Variants in SASH1 observed in about 807,000 individuals in gnomAD.
SASH1 encodes SAM and SH3 domain-containing protein 1.
In SASH1, 44 loss-of-function variants were observed where a neutral mutation model predicts 125.2. The ratio of observed to expected loss-of-function variants is 0.35; its 90% CI spans 0.28 to 0.45. The LOEUF is 0.45. Among genes scored for constraint, SASH1 ranks in the 20% least tolerant of loss-of-function variants. The pLI is 1.00. For missense variants in SASH1, 1,426 were observed against 1,614.5 expected, an observed-to-expected ratio of 0.88 and a Z score of 2.00; for synonymous variants, 639 against 649.1, an observed-to-expected ratio of 0.98 and a Z score of 0.24.
intron 16 of SASH1, 30 bp downstream of exon 16, chr6:148,534,931 C>T: frequency 6.2e-7 from 1 of 1,612,460 alleles, no homozygotes; most frequent in Non-Finnish European, 8.5e-7. Context: ...GAGGTGTTCC[C>T]TGTGAGGTCT....
intron 5 of SASH1, among the ~76,000 whole-genome samples, chr6:148,469,533 G>C (rs575926545): frequency 3.9e-5 from 6 of 152,070 alleles, no homozygotes; most frequent in Non-Finnish European, 8.8e-5. Flanking sequence ...AGGAGTTCGA[G>C]ACTGACCTGG....
intron 1 of SASH1, among the ~76,000 whole-genome samples, chr6:148,323,946 G>A (rs1051564477): frequency 2.0e-5 from 3 of 151,746 alleles, no homozygotes; most frequent in Non-Finnish European, 2.9e-5. Flanking sequence ...CCAACATGAC[G>A]AAACTCTGTC....
At position 148,544,243 on chromosome 6, in the gene SASH1, C is replaced by A. The variant is rs551667335; in HGVS notation, c.2773C>A (p.Pro925Thr). The A allele has an allele frequency of 4.5e-5, 73 of 1,614,178 alleles. No homozygotes were observed. Among genetic ancestry groups the A allele is most frequent in the East Asian group, 1.6e-4 (7 of 44,866 alleles). The change falls in exon 18 of 20, where the codon CCT (proline) becomes ACT (threonine). Residue 925 changes from proline to threonine, a missense_variant. Around this residue, in one of 3 missense-constraint regions of SASH1, gnomAD observed 634 missense variants for 694.4 expected, o/e 0.91. Coordinates refer to ENST00000367467, the MANE Select transcript of SASH1 (RefSeq NM_015278.5). This position sits in a 1 kb window ranked among gnomAD's most constrained non-coding sequence, Gnocchi z 6.4. Reference sequence around the variant, plus strand: ...AGCCTCTGGTCGCGGCCTGTCACCCCCTCAGTGTTTGCCCAGAAACTATGA... The same window carrying A: ...AGCCTCTGGTCGCGGCCTGTCACCCACTCAGTGTTTGCCCAGAAACTATGA... ...IAASGRGLSP[P>T]QCLPRNYDAQ...
chr6:148,285,659 A>C (rs1399826415), intron 1 of SASH1, among the ~76,000 whole-genome samples: 1 of 152,182 alleles, frequency 6.6e-6, no homozygotes, highest in Non-Finnish European at 1.5e-5. Flanking sequence ...AGGTAATTCC[A>C]GTAGAAGATG....
chr6:148,431,294 G>A (rs977194094), intron 2 of SASH1, among the ~76,000 whole-genome samples: 1 of 152,088 alleles, frequency 6.6e-6, no homozygotes, highest in African/African-American at 2.4e-5. Flanking sequence ...CTCCTCCCGG[G>A]TTCAAGCCAT....
intron 1 of SASH1, among the ~76,000 whole-genome samples, chr6:148,313,516 G>C (rs1780391401): frequency 6.6e-6 from 1 of 152,198 alleles, no homozygotes; most frequent in African/African-American, 2.4e-5. Flanking sequence ...GCAAAGAAGG[G>C]TAGGAGAGGG....
chr6:148,224,591 C>T, the SASH1 span, among the ~76,000 whole-genome samples: 1 of 152,092 alleles, frequency 6.6e-6, no homozygotes, highest in African/African-American at 2.4e-5. Flanking sequence ...AAACTTCTAG[C>T]TTCAAGTGAT....
At chr6:148,363,241 T>C (rs1012990511) in intron 1 of SASH1, among the ~76,000 whole-genome samples, 1 of 152,344 alleles carries the variant, frequency 6.6e-6, no homozygotes, top group Middle Eastern at 3.4e-3. Context: ...AATCACGGTG[T>C]TCTGGAGGAC....
chr6:148,343,581 C>T (rs1015062948), intron 1 of SASH1, among the ~76,000 whole-genome samples: 5 of 152,322 alleles, frequency 3.3e-5, no homozygotes, highest in African/African-American at 1.2e-4. Flanking sequence ...GCTGATGTTA[C>T]TGATGTTTAT....
At chr6:148,288,872 G>A (rs1011779795) in intron 1 of SASH1, among the ~76,000 whole-genome samples, 2 of 152,204 alleles carry the variant, frequency 1.3e-5, no homozygotes, top group African/African-American at 4.8e-5. Flanking sequence ...CTGGTTACCA[G>A]ACAAGACTGG....
Position 148,308,931 on chromosome 6 carries a change from A to G in SASH1, n.74+36554A>G, listed in dbSNP as rs1273515323. On this transcript the variant is annotated intron_variant and non_coding_transcript_variant, in intron 1 of 3. Transcript: ENST00000367469. ...AAACCCCATCTCTACTAAGAATACA[A>G]AAATTAGCCAGGGGTGGTGGCACAC... 3.3e-5 allele frequency among the ~76,000 whole-genome samples: 5 copies of G among 151,288 alleles called. No individual in the cohort carries two copies. In the East Asian group the frequency reaches 1.0e-3, roughly 30 times the overall value.
At chr6:148,487,118 T>C (rs542419377) in intron 7 of SASH1, among the ~76,000 whole-genome samples, 13,928 of 135,044 alleles carry the variant, frequency 0.1, 1,054 homozygotes, top group Non-Finnish European at 0.13. Flanking sequence ...CACACATATA[T>C]ATATATATAT....
chr6:148,266,917 CT>C, the SASH1 span, among the ~76,000 whole-genome samples: 1 of 151,926 alleles, frequency 6.6e-6, no homozygotes, highest in Non-Finnish European at 1.5e-5. Context: ...GGCCTCTTTT[CT>C]TTTCTTTTAA....
rs534390155 is a variant in SASH1 at position 148,531,632 on chromosome 6, G to A, written c.1535G>A (p.Arg512His). 10 of 1,561,684 alleles carry A rather than the reference G, an allele frequency of 6.4e-6. No homozygotes were observed. The highest frequency in any genetic ancestry group is 1.7e-4 in the Middle Eastern group (1 of 5,850). Residue 512 changes from arginine to histidine, a missense_variant, in exon 13 of 20, where the codon CGC (arginine) becomes CAC (histidine). Arg to His is a conservative substitution (Grantham distance 29). This residue lies in a region of SASH1 where 225 missense variants were observed against 344.5 expected (regional missense o/e 0.65). Coordinates refer to ENST00000367467, the MANE Select transcript of SASH1 (RefSeq NM_015278.5). ...GCCGGGGGTTCTGTAGAAAGTCTTCGCAGTTCTCTCAGTGGGCAGAGCTCC... is the reference window on the plus strand; with the variant it reads ...GCCGGGGGTTCTGTAGAAAGTCTTCACAGTTCTCTCAGTGGGCAGAGCTCC... ...LKAGGSVESL[R>H]SSLSGQSSMS...
rs1194117690 is a variant in SASH1, at chr6:148,551,613, G to A, written c.*3055G>A. 2 of 152,302 alleles carry A rather than the reference G, an allele frequency of 1.3e-5. No homozygotes were observed. Among genetic ancestry groups the A allele is most frequent in the African/African-American group, 2.4e-5 (1 of 41,414 alleles). 9.4% of individuals were successfully genotyped at this position (152,302 alleles called of 1,614,324 possible). ...AGTAAAGTTTGCTTTCATAACTGCA[G>A]CAAAAAAGGTCAACTTGCCAAGTCA... is the stretch of plus-strand genomic sequence containing the variant. On this transcript the variant is annotated 3_prime_UTR_variant, in exon 20 of 20. Coordinates refer to ENST00000367467, the MANE Select transcript of SASH1 (RefSeq NM_015278.5).
intron 1 of SASH1, among the ~76,000 whole-genome samples, chr6:148,366,492 T>A (rs1377001158): frequency 6.6e-6 from 1 of 152,180 alleles, no homozygotes; most frequent in Admixed American, 6.5e-5. Flanking sequence ...TTCTGGTGTC[T>A]GACTTGCAAT....
rs138514970 is a variant in SASH1, at chr6:148,548,496, A to T, written c.3682A>T (p.Ile1228Leu). Residue 1228 changes from isoleucine to leucine, a missense_variant, in exon 20 of 20, where the codon ATA becomes TTA. By Grantham distance (5) the Ile-to-Leu change is conservative. This residue lies in a region of SASH1 where 634 missense variants were observed against 694.4 expected (regional missense o/e 0.91). Coordinates refer to ENST00000367467, the MANE Select transcript of SASH1 (RefSeq NM_015278.5). ...QEAGITEERH[I>L]RKLLSAARLF... The stretch of plus-strand genomic sequence containing the variant: ...GGCCGGCATCACAGAGGAGAGACAC[A>T]TAAGAAAGCTCCTATCTGCAGCCAG... 2.5e-6 allele frequency: 4 copies of T among 1,614,138 alleles called. No homozygotes were observed. In the African/African-American group the frequency reaches 5.3e-5, roughly 22 times the overall value.
chr6:148,273,987 A>G (rs1292555558), intron 1 of SASH1, among the ~76,000 whole-genome samples: 1 of 152,200 alleles, frequency 6.6e-6, no homozygotes, highest in African/African-American at 2.4e-5. Context: ...TGCTTGGGCA[A>G]ATTTCTCCTT....
chr6:148,230,833 T>C, the SASH1 span, among the ~76,000 whole-genome samples: 1 of 152,226 alleles, frequency 6.6e-6, no homozygotes, highest in Non-Finnish European at 1.5e-5. Context: ...TTATTTATCT[T>C]ATTATTAGTG....
Sources: allele counts gnomAD v4.1 joint callset (sites outside exome capture counted in the v4.1 genomes callset), GRCh38; gene constraint gnomAD v4.1.1; regional missense constraint gnomAD v4.1.1; non-coding constraint Gnocchi (gnomAD v3.1); transcripts MANE v1.5; gene names NCBI Gene and HGNC (gene_info 2026-07-23, HGNC 2026-07-21).